The following LARS1 variants were observed in gnomAD, a reference collection of about 807,000 sequenced individuals.
LARS1 encodes the protein leucyl-tRNA synthetase 1.
LARS1 carries 100 observed loss-of-function variants against 162.8 expected under a neutral mutation model. The ratio of observed to expected loss-of-function variants is 0.61; its 90% CI spans 0.52 to 0.73. The LOEUF (loss-of-function observed/expected upper bound fraction) is 0.73. Among genes scored for constraint, LARS1 ranks in the 30% least tolerant of loss-of-function variants. The probability of loss-of-function intolerance (pLI) is 0.00; values close to 1 mark genes in which losing one functional copy is unlikely to be tolerated. For missense variants in LARS1, 1,258 were observed against 1,408.9 expected, an observed-to-expected ratio of 0.89 and a Z score of 1.71; for synonymous variants, 457 against 462.8, an observed-to-expected ratio of 0.99 and a Z score of 0.16.
At chr5:146,149,390 A>T (rs1753169687) in intron 15 of LARS1, among the ~76,000 whole-genome samples, 1 of 152,226 alleles carries the variant, frequency 6.6e-6, no homozygotes, top group Non-Finnish European at 1.5e-5. Context: ...ATATCATCAA[A>T]GTTCTCTACA....
At chr5:146,181,848 C>CTCTTTTT (rs1754863568) in intron 1 of LARS1, among the ~76,000 whole-genome samples, 1 of 53,030 alleles carries the variant, frequency 1.9e-5, no homozygotes, top group African/African-American at 7.0e-5. Context: ...TCAATTTTTT[C>CTCTTTTT]TTTTTTTTTT....
At chr5:146,159,375 T>A in intron 8 of LARS1, 32 bp downstream of exon 8, 1 of 1,536,172 alleles carries the variant, frequency 6.5e-7, no homozygotes, top group Middle Eastern at 1.7e-4. Context: ...TAAGGATTAT[T>A]ATAATAGCTA....
At chr5:146,118,749 A>T (rs1561794153) in intron 31 of LARS1, among the ~76,000 whole-genome samples, 1 of 152,192 alleles carries the variant, frequency 6.6e-6, no homozygotes, top group Non-Finnish European at 1.5e-5. Flanking sequence ...ATAGGGTTTC[A>T]ATTTGGGATG....
intron 10 of LARS1, among the ~76,000 whole-genome samples, chr5:146,156,413 G>C (rs34272709): frequency 0.22 from 33,884 of 152,140 alleles, 4,836 homozygotes; most frequent in Admixed American, 0.34. Context: ...AGTAGATAAG[G>C]CTGGGTACAG....
chr5:146,128,656 C>T lies in LARS1; in HGVS notation c.2880+16G>A. The T allele has an allele frequency of 6.6e-7, 1 of 1,513,200 alleles. No individual in the cohort carries two copies. The highest frequency in any genetic ancestry group is 2.4e-5 in the East Asian group (1 of 41,624). 93.7% of individuals were successfully genotyped at this position (1,513,200 alleles called of 1,614,324 possible). A position where few individuals can be genotyped will look rare whatever the true frequency, so the allele number is the denominator to read the frequency against. On this transcript the variant is annotated intron_variant, in intron 27 of 31. Coordinates refer to ENST00000394434, the MANE Select transcript of LARS1 (RefSeq NM_020117.11). ...TACAACACCATCAGGGGGGAAAAGT[C>T]TACTGAGAGCATCACCTCAAAGTGT...
intron 31 of LARS1, among the ~76,000 whole-genome samples, chr5:146,118,423 G>A (rs1452053508): frequency 6.6e-6 from 1 of 152,140 alleles, no homozygotes; most frequent in Admixed American, 6.5e-5. Context: ...AATTAAATGG[G>A]AGGAATAAGT....
intron 29 of LARS1, 70 bp downstream of exon 29, chr5:146,123,912 T>C: frequency 1.4e-6 from 1 of 734,500 alleles, no homozygotes; most frequent in Non-Finnish European, 2.2e-6. Context: ...AAAGGTTTAT[T>C]ATAAAATAAA....
At chr5:146,170,444 T>C (rs1754209551) in intron 4 of LARS1, among the ~76,000 whole-genome samples, 3 of 149,988 alleles carry the variant, frequency 2.0e-5, no homozygotes, top group Non-Finnish European at 4.4e-5. Flanking sequence ...CACTCCAGAC[T>C]GAGTGACAGA....
intron 31 of LARS1, among the ~76,000 whole-genome samples, chr5:146,118,864 T>C (rs1159438822): frequency 5.9e-5 from 9 of 152,216 alleles, no homozygotes; most frequent in African/African-American, 1.7e-4. Flanking sequence ...TAGTAAATGT[T>C]ATGTTAGGTA....
chr5:146,115,659 G>A (rs539006721), intron 31 of LARS1, among the ~76,000 whole-genome samples: 39 of 143,810 alleles, frequency 2.7e-4, no homozygotes, highest in Non-Finnish European at 4.2e-4. Context: ...GCCAACAACT[G>A]AGCCCAAAAG....
rs190083807 is a variant in LARS1 at position 146,142,834 on chromosome 5, A to C, written c.2090+38T>G. 7 of 1,490,522 alleles carry C rather than the reference A, an allele frequency of 4.7e-6. No individual in the cohort carries two copies. The Admixed American group carries it at 1.2e-4, about 26-fold the overall frequency. 92.3% of individuals were successfully genotyped at this position (1,490,522 alleles called of 1,614,324 possible). ...GAAGCCACAAGACACCCCTATTGACAATCAATAAATCTAGTCCACACCTAT... is the reference window on the plus strand; with the variant it reads ...GAAGCCACAAGACACCCCTATTGACCATCAATAAATCTAGTCCACACCTAT... On this transcript the variant is annotated intron_variant, in intron 20 of 31. Coordinates refer to ENST00000394434, the MANE Select transcript of LARS1 (RefSeq NM_020117.11).
chr5:146,120,827 T>C (rs1441667659), intron 30 of LARS1, among the ~76,000 whole-genome samples: 1 of 152,186 alleles, frequency 6.6e-6, no homozygotes, highest in East Asian at 1.9e-4. Flanking sequence ...CGACGTTAGT[T>C]CTATATCCCT....
intron 13 of LARS1, among the ~76,000 whole-genome samples, chr5:146,152,477 C>G (rs1753340891): frequency 6.6e-6 from 1 of 152,154 alleles, no homozygotes; most frequent in African/African-American, 2.4e-5. Flanking sequence ...CTCATAGAAG[C>G]ACGAACCCTA....
chr5:146,168,683 C>T (rs1195739134), intron 4 of LARS1, among the ~76,000 whole-genome samples: 1 of 151,644 alleles, frequency 6.6e-6, no homozygotes, highest in Non-Finnish European at 1.5e-5. Context: ...AGAATGAGTC[C>T]CATGTCTCAA....
chr5:146,153,877 T>A lies in LARS1; in HGVS notation c.1153+16A>T, dbSNP rs770373005. ...GTGTTTATCAAAATATTTCTAGAAA[T>A]AAATAAACTCTTTACCTTTATCCTC... On this transcript the variant is annotated intron_variant, in intron 11 of 31. Coordinates refer to ENST00000394434, the MANE Select transcript of LARS1 (RefSeq NM_020117.11). 1 of 1,607,796 alleles carries A rather than the reference T, an allele frequency of 6.2e-7. No homozygotes were observed.
chr5:146,119,272 TAC>T (rs1169744532), intron 31 of LARS1, among the ~76,000 whole-genome samples: 2 of 152,112 alleles, frequency 1.3e-5, no homozygotes, highest in Non-Finnish European at 2.9e-5. Flanking sequence ...AGTCTCTACA[TAC>T]ACAGTTGTCT....
chr5:146,146,351 AAAAG>A (rs777445651), intron 15 of LARS1, among the ~76,000 whole-genome samples: 92 of 142,530 alleles, frequency 6.5e-4, no homozygotes, highest in Non-Finnish European at 1.0e-3. Flanking sequence ...AAAAAAAAAA[AAAAG>A]AAAGAGAAGA....
chr5:146,156,752 TAATATCAACC>T, intron 10 of LARS1, among the ~76,000 whole-genome samples: 1 of 151,158 alleles, frequency 6.6e-6, no homozygotes. Context: ...CATATTTAAT[TAATATCAACC>T]AAGACTTTCT....
chr5:146,157,506 C>T lies in LARS1; in HGVS notation c.962G>A (p.Gly321Asp), dbSNP rs1490192683. Residue 321 changes from glycine (G) to aspartate (D), a missense_variant, in exon 10 of 32, where the codon GGT (glycine) becomes GAT (aspartate). Coordinates refer to ENST00000394434, the MANE Select transcript of LARS1 (RefSeq NM_020117.11). ...TTTTTGGGTACAGATGAATATATCA[C>T]CATTCACCGTCTCAAATCCAATGTA... ...MKYIGFETVNGDIFICTQKAA... is the reference protein window; with the variant it reads ...MKYIGFETVNDDIFICTQKAA... 2 of 1,614,110 alleles carry T rather than the reference C, an allele frequency of 1.2e-6. No homozygotes were observed. The highest frequency in any genetic ancestry group is 1.1e-5 in the South Asian group (1 of 91,084).
Sources: allele counts gnomAD v4.1 joint callset (sites outside exome capture counted in the v4.1 genomes callset), GRCh38; gene constraint gnomAD v4.1.1; transcripts MANE v1.5; gene names NCBI Gene and HGNC (gene_info 2026-07-23, HGNC 2026-07-21).